The following UBASH3B variants were observed in gnomAD, a reference collection of about 807,000 sequenced individuals.
UBASH3B encodes ubiquitin associated and SH3 domain containing B, also known as ubiquitin-associated and SH3 domain-containing protein B.
In UBASH3B, 37 loss-of-function variants were observed where a neutral mutation model predicts 83.4. That is an observed-to-expected ratio of 0.44 (90% CI 0.34 to 0.58). The LOEUF (loss-of-function observed/expected upper bound fraction) is 0.58, where lower values mean the gene tolerates loss of function less well. UBASH3B is among the 20% of genes least tolerant of loss of function. The pLI is 0.01. For synonymous variants in UBASH3B, 304 were observed against 318.3 expected (o/e 0.96, Z 0.48); for missense variants, 657 against 827.2 (o/e 0.79, Z 2.52).
chr11:122,669,207 CA>C (rs999755029), intron 1 of UBASH3B, among the ~76,000 whole-genome samples: 1 of 152,216 alleles, frequency 6.6e-6, no homozygotes, highest in African/African-American at 2.4e-5. Context: ...GTCTGAAATG[CA>C]TATCATAGGC....
intron 1 of UBASH3B, among the ~76,000 whole-genome samples, chr11:122,677,204 G>T (rs36072322): frequency 1.3e-5 from 2 of 152,186 alleles, no homozygotes; most frequent in Non-Finnish European, 2.9e-5. Context: ...ACCCAGAGAT[G>T]ATTTAAAGTA....
intron 1 of UBASH3B, among the ~76,000 whole-genome samples, chr11:122,694,743 C>T (rs1422153710): frequency 6.6e-6 from 1 of 151,822 alleles, no homozygotes; most frequent in African/African-American, 2.4e-5. Flanking sequence ...GTTTTAAGCA[C>T]AGGGCAAGGA....
At chr11:122,750,232 C>T (rs1006876610) in intron 1 of UBASH3B, among the ~76,000 whole-genome samples, 9 of 152,224 alleles carry the variant, frequency 5.9e-5, no homozygotes, top group African/African-American at 2.2e-4. Flanking sequence ...CACTGGCCTC[C>T]TCCCACTGTT....
chr11:122,712,124 A>G (rs1159186143), intron 1 of UBASH3B, among the ~76,000 whole-genome samples: 1 of 151,612 alleles, frequency 6.6e-6, no homozygotes, highest in African/African-American at 2.4e-5. Context: ...TGAGGGAGTG[A>G]TTTGCAGCAT....
chr11:122,712,513 A>G (rs918159974), intron 1 of UBASH3B, among the ~76,000 whole-genome samples: 1 of 152,118 alleles, frequency 6.6e-6, no homozygotes, highest in South Asian at 2.1e-4. Flanking sequence ...GGCCCTGAGT[A>G]ATAGGCATAA....
intron 1 of UBASH3B, among the ~76,000 whole-genome samples, chr11:122,732,435 C>T (rs1386608161): frequency 2.0e-5 from 3 of 152,182 alleles, no homozygotes; most frequent in Admixed American, 1.3e-4. Flanking sequence ...AACATTTAGA[C>T]ATTGGTGTAT....
intron 1 of UBASH3B, among the ~76,000 whole-genome samples, chr11:122,727,880 C>T (rs762326228): frequency 2.0e-5 from 3 of 152,198 alleles, no homozygotes; most frequent in South Asian, 2.1e-4. Context: ...TCACCCTCCC[C>T]GCACAGCTGG....
intron 1 of UBASH3B, among the ~76,000 whole-genome samples, chr11:122,734,368 C>CCAA: frequency 2.0e-5 from 3 of 152,262 alleles, no homozygotes; most frequent in Admixed American, 2.0e-4. Context: ...CCTGAGCAGA[C>CCAA]GGGGATTCCC....
intron 1 of UBASH3B, among the ~76,000 whole-genome samples, chr11:122,747,895 C>G (rs1163715783): frequency 6.6e-6 from 1 of 152,172 alleles, no homozygotes; most frequent in Admixed American, 6.5e-5. Context: ...AGCCTCTGTT[C>G]CCTCATTTGT....
At chr11:122,738,301 T>C (rs978774412) in intron 1 of UBASH3B, among the ~76,000 whole-genome samples, 1 of 152,208 alleles carries the variant, frequency 6.6e-6, no homozygotes, top group Non-Finnish European at 1.5e-5. Flanking sequence ...GAATAACTAT[T>C]AGGGACTTTG....
rs182590326 is a variant in UBASH3B at position 122,767,798 on chromosome 11, A to G, written c.162-8421A>G. Among the ~76,000 whole-genome samples, 7 of 152,304 alleles carry G rather than the reference A, an allele frequency of 4.6e-5. No homozygotes were observed. In the East Asian group the frequency reaches 1.4e-3, roughly 29 times the overall value. On this transcript the variant is annotated intron_variant, in intron 1 of 13. Coordinates refer to ENST00000284273, the MANE Select transcript of UBASH3B (RefSeq NM_032873.5). The stretch of plus-strand genomic sequence containing the variant: ...TTCACAGAGGAAGAGAAGCAGCCAG[A>G]TGGGACAGGTACTGTAGAGACAGGC...
chr11:122,722,001 T>C (rs1340421863), intron 1 of UBASH3B, among the ~76,000 whole-genome samples: 6 of 152,248 alleles, frequency 3.9e-5, no homozygotes, highest in Admixed American at 2.6e-4. Flanking sequence ...TGTTCATATC[T>C]GTGGTATAAT....
chr11:122,809,430 C>T (rs1000976594), intron 13 of UBASH3B, among the ~76,000 whole-genome samples: 2 of 152,160 alleles, frequency 1.3e-5, no homozygotes, highest in Non-Finnish European at 2.9e-5. Flanking sequence ...GGCATTGTAG[C>T]CTTATGTATT....
intron 1 of UBASH3B, among the ~76,000 whole-genome samples, chr11:122,710,202 A>C (rs1004750433): frequency 6.6e-6 from 1 of 151,852 alleles, no homozygotes; most frequent in Non-Finnish European, 1.5e-5. Context: ...TAAGATAATC[A>C]TAATAAACAA....
At chr11:122,669,622 A>G (rs1027613583) in intron 1 of UBASH3B, among the ~76,000 whole-genome samples, 2 of 152,186 alleles carry the variant, frequency 1.3e-5, no homozygotes, top group Non-Finnish European at 2.9e-5. Context: ...TTCTGTTACT[A>G]ACTTGTCACC....
At chr11:122,756,250 GA>G (rs542200958) in intron 1 of UBASH3B, among the ~76,000 whole-genome samples, 183 of 152,310 alleles carry the variant, frequency 1.2e-3, no homozygotes, top group Middle Eastern at 3.4e-3. Context: ...ATGTGAAACT[GA>G]CTACATCTCG....
intron 1 of UBASH3B, among the ~76,000 whole-genome samples, chr11:122,764,627 A>C (rs560097326): frequency 2.2e-4 from 33 of 152,338 alleles, no homozygotes; most frequent in Admixed American, 2.2e-3. Context: ...GGTGGGACTG[A>C]ATTGCGTGGA....
At chr11:122,695,890 T>G (rs1277450788) in intron 1 of UBASH3B, among the ~76,000 whole-genome samples, 1 of 152,260 alleles carries the variant, frequency 6.6e-6, no homozygotes, top group African/African-American at 2.4e-5. Context: ...AGTTACTAAA[T>G]AGTCACATTG....
intron 1 of UBASH3B, among the ~76,000 whole-genome samples, chr11:122,664,884 G>A (rs549868866): frequency 9.2e-5 from 14 of 152,340 alleles, no homozygotes; most frequent in Non-Finnish European, 1.3e-4. Flanking sequence ...CTGGCTGCAC[G>A]TTCTCCACAG....
Sources: allele counts gnomAD v4.1 joint callset (sites outside exome capture counted in the v4.1 genomes callset), GRCh38; gene constraint gnomAD v4.1.1; transcripts MANE v1.5; gene names NCBI Gene and HGNC (gene_info 2026-07-23, HGNC 2026-07-21).